BABAM2: variants seen among roughly 807,000 people sequenced by gnomAD.
BABAM2 encodes BRISC and BRCA1 A complex member 2.
In BABAM2, 31 loss-of-function variants were observed where a neutral mutation model predicts 54.7. The observed-to-expected ratio is 0.57, with a 90% confidence interval of 0.43 to 0.77. BABAM2 has a LOEUF of 0.77. Ranked by LOEUF, BABAM2 falls within the 30% of genes least tolerant of loss-of-function variation. BABAM2 has a pLI of 0.00. For synonymous variants in BABAM2, 167 were observed against 162.9 expected (o/e 1.03, Z -0.19); for missense variants, 364 against 455.8 (o/e 0.80, Z 1.83).
At chr2:28,197,520 A>T (rs1432843658) in intron 7 of BABAM2, among the ~76,000 whole-genome samples, 4 of 152,196 alleles carry the variant, frequency 2.6e-5, no homozygotes, top group Admixed American at 6.5e-5. Flanking sequence ...CTTTACAATG[A>T]TCTAGATGTC....
intron 7 of BABAM2, among the ~76,000 whole-genome samples, chr2:28,206,305 T>C (rs980585035): frequency 6.6e-6 from 1 of 152,124 alleles, no homozygotes; most frequent in African/African-American, 2.4e-5. Flanking sequence ...GGAACCTGAA[T>C]GCCAGCCTGA....
In BABAM2 at chr2:28,083,617, A is replaced by G. The variant is rs143167308; in HGVS notation, c.570+37818A>G. On this transcript the variant is annotated intron_variant, in intron 6 of 11. Coordinates refer to ENST00000379624, the MANE Select transcript of BABAM2 (RefSeq NM_199191.3). ...CTCTTGGGACATGATCTTGCCTCTTATTTTTACTGAACCGATTGATGTTAT... is the reference window on the plus strand; with the variant it reads ...CTCTTGGGACATGATCTTGCCTCTTGTTTTTACTGAACCGATTGATGTTAT... 1.3e-3 allele frequency among the ~76,000 whole-genome samples: 202 copies of G among 151,954 alleles called. 1 individual carries two copies. The highest frequency in any genetic ancestry group is 1.9e-3 in the Non-Finnish European group (130 of 67,966).
chr2:28,274,181 C>G (rs1685677690), intron 10 of BABAM2, among the ~76,000 whole-genome samples: 1 of 152,212 alleles, frequency 6.6e-6, no homozygotes, highest in African/African-American at 2.4e-5. Flanking sequence ...TTCTCTCCCA[C>G]TCAGCCTTGG....
intron 11 of BABAM2, 59 bp from the exon 12 acceptor site, chr2:28,338,391 C>T: frequency 6.8e-7 from 1 of 1,467,030 alleles, no homozygotes; most frequent in South Asian, 1.1e-5. Context: ...CCCAGTTGCA[C>T]TTTGTTTCAA....
chr2:28,015,330 T>G (rs1038509270), intron 4 of BABAM2, among the ~76,000 whole-genome samples: 1 of 152,146 alleles, frequency 6.6e-6, no homozygotes, highest in Non-Finnish European at 1.5e-5. Context: ...ATCTACAGAG[T>G]AAGGGTTTTG....
rs1357793074 is a variant in BABAM2, at chr2:28,129,280, G to A, written c.580G>A (p.Glu194Lys). Reference protein sequence around the residue: ...IPTYLLKDVNEDPGEDVALLS... With the variant: ...IPTYLLKDVNKDPGEDVALLS... Reference sequence around the variant, plus strand: ...TCACTTCTTGTTTAAGGATGTAAATGAAGACCCTGGAGAAGATGTGGCCCT... The same window carrying A: ...TCACTTCTTGTTTAAGGATGTAAATAAAGACCCTGGAGAAGATGTGGCCCT... Residue 194 changes from glutamate to lysine, a missense_variant, in exon 7 of 12, where the codon GAA (glutamate) becomes AAA (lysine). Transcript: ENST00000379624. The A allele has an allele frequency of 6.2e-7, 1 of 1,613,772 alleles. No individual in the cohort carries two copies. The highest frequency in any genetic ancestry group is 1.1e-5 in the South Asian group (1 of 91,072).
At chr2:28,082,064 G>C (rs1171376555) in intron 6 of BABAM2, among the ~76,000 whole-genome samples, 1 of 152,144 alleles carries the variant, frequency 6.6e-6, no homozygotes, top group Non-Finnish European at 1.5e-5. Context: ...CTAAACAATA[G>C]TAGCTGCCTA....
chr2:27,994,236 A>G (rs746417226), intron 4 of BABAM2, among the ~76,000 whole-genome samples: 19 of 152,214 alleles, frequency 1.2e-4, no homozygotes, highest in Non-Finnish European at 2.4e-4. Context: ...GCACTTTACC[A>G]TATCCATGTA....
chr2:28,232,294 G>A (rs1681484455), intron 7 of BABAM2, among the ~76,000 whole-genome samples: 1 of 152,184 alleles, frequency 6.6e-6, no homozygotes, highest in East Asian at 1.9e-4. Context: ...GGAGGAAGGG[G>A]AGTTGCTGTT....
At chr2:28,195,752 G>A (rs1677461626) in intron 7 of BABAM2, among the ~76,000 whole-genome samples, 1 of 152,206 alleles carries the variant, frequency 6.6e-6, no homozygotes, top group Non-Finnish European at 1.5e-5. Context: ...CAGGCCATCA[G>A]CAGAAATGAG....
At chr2:27,900,065 G>A (rs1382230873) in intron 2 of BABAM2, among the ~76,000 whole-genome samples, 2 of 152,216 alleles carry the variant, frequency 1.3e-5, no homozygotes, top group Admixed American at 6.5e-5. Flanking sequence ...CAATGACAGA[G>A]TTAGGGAAAA....
At chr2:27,937,858 C>T (rs1192711757) in intron 3 of BABAM2, among the ~76,000 whole-genome samples, 1 of 151,982 alleles carries the variant, frequency 6.6e-6, no homozygotes, top group African/African-American at 2.4e-5. Context: ...TTTTTGAGAG[C>T]TTTTCCAAAA....
chr2:28,029,349 A>C (rs1676127946), intron 5 of BABAM2, among the ~76,000 whole-genome samples: 2 of 152,194 alleles, frequency 1.3e-5, no homozygotes, highest in Admixed American at 6.5e-5. Context: ...GGAAGCCATT[A>C]AACACTAATT....
chr2:28,338,363 TG>T, intron 11 of BABAM2, 86 bp from the exon 12 acceptor site: 4 of 1,186,560 alleles, frequency 3.4e-6, no homozygotes. Context: ...ACAACTGTTC[TG>T]AGTTAGCTTG....
intron 7 of BABAM2, among the ~76,000 whole-genome samples, chr2:28,205,488 C>G (rs1335997762): frequency 6.6e-6 from 1 of 151,956 alleles, no homozygotes; most frequent in Non-Finnish European, 1.5e-5. Context: ...GGCGACAGAG[C>G]AAGACTCCGT....
At chr2:28,058,333 A>G (rs1678595226) in intron 6 of BABAM2, among the ~76,000 whole-genome samples, 1 of 152,078 alleles carries the variant, frequency 6.6e-6, no homozygotes, top group Non-Finnish European at 1.5e-5. Flanking sequence ...TCAAATTTTA[A>G]TCATTATTTT....
intron 11 of BABAM2, among the ~76,000 whole-genome samples, chr2:28,326,939 C>T (rs966461289): frequency 3.9e-5 from 6 of 152,158 alleles, no homozygotes; most frequent in Non-Finnish European, 7.3e-5. Flanking sequence ...TTAATTACAA[C>T]ATTCTATCAT....
intron 3 of BABAM2, among the ~76,000 whole-genome samples, chr2:27,982,044 G>C: frequency 6.6e-6 from 1 of 152,166 alleles, no homozygotes; most frequent in East Asian, 1.9e-4. Context: ...TTTGATTATA[G>C]CCATCCAAGT....
chr2:28,163,884 A>G (rs1673357017), intron 7 of BABAM2, among the ~76,000 whole-genome samples: 1 of 152,210 alleles, frequency 6.6e-6, no homozygotes, highest in East Asian at 1.9e-4. Context: ...GGCACTGCCC[A>G]TTGCACATTG....
Sources: allele counts gnomAD v4.1 joint callset (sites outside exome capture counted in the v4.1 genomes callset), GRCh38; gene constraint gnomAD v4.1.1; transcripts MANE v1.5; gene names NCBI Gene and HGNC (gene_info 2026-07-23, HGNC 2026-07-21).